The following ALDH1L1 variants were observed in gnomAD, a reference collection of about 807,000 sequenced individuals.
ALDH1L1 encodes the protein cytosolic 10-formyltetrahydrofolate dehydrogenase.
In ALDH1L1, 68 loss-of-function variants were observed where a neutral mutation model predicts 101.1. That is an observed-to-expected ratio of 0.67 (90% CI 0.55 to 0.82). ALDH1L1 has a LOEUF of 0.82. Ranked by LOEUF, ALDH1L1 falls within the 40% of genes least tolerant of loss-of-function variation. ALDH1L1 has a pLI of 0.00. For missense variants in ALDH1L1, 1,087 were observed against 1,172.7 expected (o/e 0.93, Z 1.07); for synonymous variants, 486 against 470.8 (o/e 1.03, Z -0.42).
intron 8 of ALDH1L1, 79 bp downstream of exon 8, chr3:126,150,327 C>G: frequency 6.6e-7 from 1 of 1,514,018 alleles, no homozygotes; most frequent in Non-Finnish European, 8.9e-7. Context: ...CTGCCCAACT[C>G]TGGGGAGTGT....
chr3:126,131,501 C>T lies in ALDH1L1; in HGVS notation c.1506G>A (p.Glu502=). 6.2e-7 allele frequency: 1 copy of T among 1,612,910 alleles called. No individual in the cohort carries two copies. Among genetic ancestry groups the T allele is most frequent in the Non-Finnish European group, 8.5e-7 (1 of 1,178,986 alleles). The change falls in exon 13 of 23, where the codon GAG becomes GAA. Residue 502 remains glutamate (E), a synonymous_variant. Coordinates refer to ENST00000393434, the MANE Select transcript of ALDH1L1 (RefSeq NM_012190.4). ...LADLMEQHQE[E]LATIEALDAG... ...CATCCAGGGCCTCAATGGTGGCCAGCTCCTCCTGGTGCTGCTCCATGAGAT... is the reference window on the plus strand; with the variant it reads ...CATCCAGGGCCTCAATGGTGGCCAGTTCCTCCTGGTGCTGCTCCATGAGAT...
Position 126,169,393 on chromosome 3 carries a change from T to G in ALDH1L1, c.-23-8391A>C, listed in dbSNP as rs147410574. 3.7e-4 allele frequency among the ~76,000 whole-genome samples: 56 copies of G among 152,324 alleles called. No homozygotes were observed. The East Asian group carries it at 0.01, about 27-fold the overall frequency. On this transcript the variant is annotated intron_variant, in intron 1 of 22. Coordinates refer to ENST00000393434, the MANE Select transcript of ALDH1L1 (RefSeq NM_012190.4). Reference sequence around the variant, plus strand: ...TGTTTGCATCAGTGCAATAAGAATCTATTTTCTTTTGTAACAGAATACAAT... The same window carrying G: ...TGTTTGCATCAGTGCAATAAGAATCGATTTTCTTTTGTAACAGAATACAAT...
chr3:126,188,109 C>T (rs937429846), intron 1 of ALDH1L1, among the ~76,000 whole-genome samples: 4 of 152,134 alleles, frequency 2.6e-5, no homozygotes, highest in Non-Finnish European at 4.4e-5. Flanking sequence ...TTGAAGCAGC[C>T]GGCTGCCTGT....
intron 1 of ALDH1L1, among the ~76,000 whole-genome samples, chr3:126,193,460 C>T (rs1279704873): frequency 6.6e-6 from 1 of 152,156 alleles, no homozygotes; most frequent in Non-Finnish European, 1.5e-5. Context: ...AAAAAATCCC[C>T]CTTTTTGCTG....
intron 18 of ALDH1L1, among the ~76,000 whole-genome samples, chr3:126,114,023 C>T (rs1028973484): frequency 2.6e-5 from 4 of 152,198 alleles, no homozygotes; most frequent in African/African-American, 9.7e-5. Context: ...GGCACTGCAC[C>T]CACGGCCACC....
At chr3:126,118,878 C>T (rs977937689) in intron 16 of ALDH1L1, among the ~76,000 whole-genome samples, 14 of 152,232 alleles carry the variant, frequency 9.2e-5, no homozygotes, top group East Asian at 3.9e-4. Context: ...GCCCCTACTC[C>T]GAGCCACGCC....
chr3:126,191,073 A>AT (rs1361444321), intron 1 of ALDH1L1, among the ~76,000 whole-genome samples: 2 of 152,168 alleles, frequency 1.3e-5, no homozygotes, highest in Non-Finnish European at 1.5e-5. Flanking sequence ...GGATTAGCTA[A>AT]TGGAGTGCTT....
At chr3:126,117,759 C>T (rs1018392846) in intron 17 of ALDH1L1, among the ~76,000 whole-genome samples, 2 of 152,192 alleles carry the variant, frequency 1.3e-5, no homozygotes, top group African/African-American at 2.4e-5. Context: ...GTGTTTTATA[C>T]TCTCAGCACC....
chr3:126,196,379 G>A (rs987938165), intron 1 of ALDH1L1, among the ~76,000 whole-genome samples: 2 of 110,304 alleles, frequency 1.8e-5, no homozygotes, highest in African/African-American at 7.2e-5. Flanking sequence ...GAAGAAAACA[G>A]CTTTTTTTTT....
intron 9 of ALDH1L1, among the ~76,000 whole-genome samples, chr3:126,146,582 A>T (rs1006261717): frequency 1.3e-5 from 2 of 151,964 alleles, no homozygotes; most frequent in Non-Finnish European, 2.9e-5. Context: ...ACTCCTCCCA[A>T]ATTCCCTCCT....
At chr3:126,146,417 C>T (rs1285531380) in intron 9 of ALDH1L1, among the ~76,000 whole-genome samples, 1 of 152,178 alleles carries the variant, frequency 6.6e-6, no homozygotes, top group Non-Finnish European at 1.5e-5. Flanking sequence ...TCAGCTGAGC[C>T]CAGCACAAAC....
chr3:126,197,318 A>T (rs1365013795), intron 1 of ALDH1L1, among the ~76,000 whole-genome samples: 1 of 152,182 alleles, frequency 6.6e-6, no homozygotes, highest in Non-Finnish European at 1.5e-5. Flanking sequence ...TTTACCTAAA[A>T]CATTGGCTTT....
intron 1 of ALDH1L1, among the ~76,000 whole-genome samples, chr3:126,177,626 CACTGGATACTCATCATTATAT>C (rs1375793843): frequency 6.6e-6 from 1 of 152,148 alleles, no homozygotes; most frequent in Admixed American, 6.5e-5. Context: ...GATACTGTAA[CACTGGATACTCATCATTATAT>C]GTTTGTCCAA....
At chr3:126,128,583 A>T (rs2080234515) in intron 14 of ALDH1L1, 1 of 152,272 alleles carries the variant, frequency 6.6e-6, no homozygotes, top group African/African-American at 2.4e-5. Context: ...CCTCCCTGCC[A>T]GGCAGAGACC....
intron 12 of ALDH1L1, among the ~76,000 whole-genome samples, chr3:126,132,353 C>T (rs2080330821): frequency 2.0e-5 from 3 of 152,324 alleles, no homozygotes; most frequent in Admixed American, 6.5e-5. Context: ...GCACCCCAGG[C>T]CTGCTCCGGT....
At chr3:126,185,711 T>C (rs1390562729), upstream of ALDH1L1, among the ~76,000 whole-genome samples, 1 of 152,156 alleles carries the variant, frequency 6.6e-6, no homozygotes, top group Admixed American at 6.5e-5. Flanking sequence ...GGTTTCACTC[T>C]GTTGTCCAGT....
At chr3:126,164,293 G>A (rs1261828545) in intron 1 of ALDH1L1, among the ~76,000 whole-genome samples, 1 of 152,130 alleles carries the variant, frequency 6.6e-6, no homozygotes, top group Non-Finnish European at 1.5e-5. Context: ...TTAGAAACAG[G>A]GGGTGCAGGT....
In ALDH1L1 at chr3:126,103,799, C is replaced by T. The variant is rs550440307; in HGVS notation, c.2701G>A (p.Glu901Lys). The change falls in exon 23 of 23, where the codon GAA (glutamate) becomes AAA (lysine). Residue 901 changes from glutamate (E) to lysine (K), a missense_variant. Physicochemically the swap from Glu to Lys is moderately conservative, Grantham distance 56 (BLOSUM62 1). Transcript: ENST00000393434. ...EYLRVKTVTF[E>K]Y ...CTCACAAAGACCTTTCTTCAGTATT[C>T]GAAGGTCACTGTCTTGACCCGCAGG... 1.4e-5 allele frequency: 22 copies of T among 1,613,462 alleles called. No individual in the cohort carries two copies. The highest frequency in any genetic ancestry group is 1.9e-5 in the Non-Finnish European group (22 of 1,179,814).
upstream of ALDH1L1, chr3:126,181,118 G>T: frequency 3.1e-6 from 3 of 976,740 alleles, no homozygotes; most frequent in Non-Finnish European, 4.7e-6. Context: ...GAGAAAAACA[G>T]CCCCTGGTTT....
Sources: gnomAD v4.1 joint callset for allele counts (sites outside exome capture counted in the v4.1 genomes callset) on GRCh38, gnomAD v4.1.1 for gene constraint, MANE v1.5 for transcripts, NCBI Gene and HGNC (gene_info 2026-07-23, HGNC 2026-07-21) for gene names.